The following RASA2 variants were observed in gnomAD, a reference collection of about 807,000 sequenced individuals.
RASA2 encodes the protein ras GTPase-activating protein 2.
In RASA2, 155 loss-of-function variants were observed where a neutral mutation model predicts 118.2. That is an observed-to-expected ratio of 1.31 (90% CI 1.15 to 1.50). The LOEUF (loss-of-function observed/expected upper bound fraction) is 1.50, where lower values mean the gene tolerates loss of function less well. Among genes scored for constraint, RASA2 ranks in the 40% most tolerant of loss-of-function variants. The pLI is 0.00. For missense variants in RASA2, 1,016 were observed against 1,009.6 expected (o/e 1.01, Z -0.09); for synonymous variants, 353 against 349.1 (o/e 1.01, Z -0.12).
intron 19 of RASA2, among the ~76,000 whole-genome samples, chr3:141,605,789 T>G (rs2107798836): frequency 6.6e-6 from 1 of 151,970 alleles, no homozygotes; most frequent in African/African-American, 2.4e-5. Context: ...CTCATCTTTG[T>G]GTTTTGCAGT....
At chr3:141,538,438 A>C (rs960286229) in intron 4 of RASA2, among the ~76,000 whole-genome samples, 8 of 152,046 alleles carry the variant, frequency 5.3e-5, no homozygotes, top group Non-Finnish European at 4.4e-5. Context: ...TCACCAACCA[A>C]AGGTATCTTC....
At chr3:141,576,590 T>G (rs991711595) in intron 14 of RASA2, among the ~76,000 whole-genome samples, 1 of 152,194 alleles carries the variant, frequency 6.6e-6, no homozygotes, top group African/African-American at 2.4e-5. Context: ...TCAAGATTTT[T>G]GGGGGGGATA....
At chr3:141,521,138 A>G (rs1161883883) in intron 3 of RASA2, among the ~76,000 whole-genome samples, 1 of 152,230 alleles carries the variant, frequency 6.6e-6, no homozygotes, top group Non-Finnish European at 1.5e-5. Context: ...ACAGTTGGAA[A>G]TATAGATCTG....
chr3:141,567,731 G>C (rs995315586), intron 9 of RASA2, among the ~76,000 whole-genome samples: 2 of 152,100 alleles, frequency 1.3e-5, no homozygotes, highest in African/African-American at 4.8e-5. Flanking sequence ...GCAGTAACAA[G>C]ATGAAAATGG....
chr3:141,528,161 AT>A (rs1411800674), intron 3 of RASA2, among the ~76,000 whole-genome samples: 2 of 151,812 alleles, frequency 1.3e-5, no homozygotes, highest in Admixed American at 6.6e-5. Context: ...TACCACTCGT[AT>A]TTTTTTAATA....
intron 4 of RASA2, among the ~76,000 whole-genome samples, chr3:141,530,262 C>G (rs745827788): frequency 1.3e-5 from 2 of 152,110 alleles, no homozygotes; most frequent in African/African-American, 4.8e-5. Context: ...CCTTCACTCC[C>G]ACACCCACCC....
chr3:141,507,347 G>A (rs1459214099), intron 1 of RASA2, among the ~76,000 whole-genome samples: 1 of 152,172 alleles, frequency 6.6e-6, no homozygotes, highest in Non-Finnish European at 1.5e-5. Flanking sequence ...AGCAGAAAGA[G>A]CTTTAATAAA....
At chr3:141,559,256 T>G (rs764169292) in intron 8 of RASA2, among the ~76,000 whole-genome samples, 1 of 152,144 alleles carries the variant, frequency 6.6e-6, no homozygotes, top group Non-Finnish European at 1.5e-5. Context: ...TGGATTATAG[T>G]GTAATGGATG....
intron 6 of RASA2, among the ~76,000 whole-genome samples, chr3:141,555,516 A>C (rs1426014643): frequency 1.3e-5 from 2 of 151,970 alleles, no homozygotes; most frequent in African/African-American, 4.8e-5. Flanking sequence ...AAGGTGCTCT[A>C]AATCTTATTG....
chr3:141,572,762 T>A lies in RASA2; in HGVS notation c.1284+39T>A, dbSNP rs751462336. ...CTCCAACAATGATAGTTTGTGGCCT[T>A]ATGATAGTTGTTCTTTTATCAAGTG... On this transcript the variant is annotated intron_variant, in intron 12 of 23. Transcript: ENST00000286364. The A allele has an allele frequency of 8.4e-6, 12 of 1,421,706 alleles. No individual in the cohort carries two copies. The Middle Eastern group carries it at 1.8e-3, about 214-fold the overall frequency. The allele number at this position is 1,421,706 out of a possible 1,614,324, so 88.1% of individuals were successfully genotyped here. A position where few individuals can be genotyped will look rare whatever the true frequency, so the allele number is the denominator to read the frequency against.
intron 17 of RASA2, among the ~76,000 whole-genome samples, chr3:141,584,540 A>G (rs1201604301): frequency 6.6e-6 from 1 of 152,134 alleles, no homozygotes; most frequent in Non-Finnish European, 1.5e-5. Context: ...AATGGCGATT[A>G]GATTTCGATT....
At chr3:141,510,467 G>A (rs1489881785) in intron 1 of RASA2, among the ~76,000 whole-genome samples, 1 of 152,134 alleles carries the variant, frequency 6.6e-6, no homozygotes, top group Non-Finnish European at 1.5e-5. Context: ...TTAAGATCTT[G>A]AAGATCAACA....
chr3:141,567,370 A>G (rs1202778302), intron 9 of RASA2, among the ~76,000 whole-genome samples: 1 of 152,094 alleles, frequency 6.6e-6, no homozygotes, highest in Non-Finnish European at 1.5e-5. Flanking sequence ...AGCCGAGAGC[A>G]TGCCATTGCA....
rs147862487 is a variant in RASA2 at position 141,609,477 on chromosome 3, T to G, written c.2283T>G (p.Ile761Met). Residue 761 changes from isoleucine (I) to methionine (M), a missense_variant, in exon 22 of 24, where the codon ATT becomes ATG. Physicochemically the swap from Ile to Met is conservative, Grantham distance 10. This residue lies in a region of RASA2 where 120 missense variants were observed against 173.2 expected (regional missense o/e 0.69). Transcript: ENST00000286364. ...DIDEDRETERIYSLFTLSLLK... is the reference protein window; with the variant it reads ...DIDEDRETERMYSLFTLSLLK... ...ATGAAGACAGAGAAACAGAAAGAAT[T>G]TATTCCCTTTTTACCCTCAGTTTAC... is the stretch of plus-strand genomic sequence containing the variant. The G allele has an allele frequency of 8.1e-6, 13 of 1,605,708 alleles. No individual in the cohort carries two copies. The African/African-American group carries it at 1.2e-4, about 15-fold the overall frequency.
intron 19 of RASA2, among the ~76,000 whole-genome samples, chr3:141,600,004 C>T (rs1185820136): frequency 6.6e-6 from 1 of 152,150 alleles, no homozygotes; most frequent in Non-Finnish European, 1.5e-5. Flanking sequence ...TAGTCCTCTA[C>T]ATAAGTGTGT....
intron 8 of RASA2, among the ~76,000 whole-genome samples, chr3:141,559,517 A>G (rs767621269): frequency 1.3e-5 from 2 of 152,072 alleles, no homozygotes; most frequent in African/African-American, 2.4e-5. Context: ...TGGAGTGATC[A>G]GGTAATGTAT....
chr3:141,526,934 A>T (rs1396139699), intron 3 of RASA2, among the ~76,000 whole-genome samples: 1 of 152,190 alleles, frequency 6.6e-6, no homozygotes, highest in African/African-American at 2.4e-5. Flanking sequence ...CTGTGTGACT[A>T]AGAGAGGATT....
chr3:141,589,006 G>A (rs374240726), intron 19 of RASA2, among the ~76,000 whole-genome samples: 3 of 151,742 alleles, frequency 2.0e-5, no homozygotes, highest in African/African-American at 7.3e-5. Flanking sequence ...CACACCCAGC[G>A]AATTTTTATA....
intron 3 of RASA2, 121 bp downstream of exon 3, chr3:141,516,552 A>G (rs533729511): frequency 4.0e-6 from 3 of 753,684 alleles, no homozygotes; most frequent in Non-Finnish European, 5.3e-6. Context: ...CTTTTTCTGT[A>G]GACTACATGT....
Sources: allele counts gnomAD v4.1 joint callset (sites outside exome capture counted in the v4.1 genomes callset), GRCh38; gene constraint gnomAD v4.1.1; regional missense constraint gnomAD v4.1.1; transcripts MANE v1.5; gene names NCBI Gene and HGNC (gene_info 2026-07-23, HGNC 2026-07-21).